AGBL1: variants seen among roughly 807,000 people sequenced by gnomAD.
AGBL1 encodes the protein cytosolic carboxypeptidase 4.
AGBL1 carries 130 observed loss-of-function variants against 118.9 expected under a neutral mutation model. The ratio of observed to expected loss-of-function variants is 1.09; its 90% CI spans 0.95 to 1.26. The LOEUF (loss-of-function observed/expected upper bound fraction) is 1.26, where lower values mean the gene tolerates loss of function less well. Ranked by LOEUF, AGBL1 falls within the 50% of genes most tolerant of loss-of-function variation. The pLI is 0.00. For missense variants in AGBL1, 1,584 were observed against 1,298.1 expected, an observed-to-expected ratio of 1.22 and a Z score of -3.38; for synonymous variants, 555 against 478.9, an observed-to-expected ratio of 1.16 and a Z score of -2.08.
chr15:86,305,199 G>T (rs1176990176), intron 17 of AGBL1: 1 of 152,162 alleles, frequency 6.6e-6, no homozygotes, highest in Non-Finnish European at 1.5e-5. Flanking sequence ...GACGGTGCTA[G>T]CCAGGCATGA....
intron 22 of AGBL1, among the ~76,000 whole-genome samples, chr15:86,709,976 T>C (rs186634519): frequency 6.6e-5 from 10 of 152,280 alleles, no homozygotes; most frequent in South Asian, 2.1e-4. Flanking sequence ...CTGCCCCAAC[T>C]TTTCCCTGCT....
At chr15:87,007,579 G>C (rs998254916) in intron 24 of AGBL1, among the ~76,000 whole-genome samples, 1 of 152,214 alleles carries the variant, frequency 6.6e-6, no homozygotes. Context: ...ACACAGACAG[G>C]ATGAGGTGTT....
intron 17 of AGBL1, among the ~76,000 whole-genome samples, chr15:86,337,549 C>T (rs955187463): frequency 2.6e-5 from 4 of 152,196 alleles, no homozygotes; most frequent in African/African-American, 9.7e-5. Flanking sequence ...AGATCATATC[C>T]TTTGCAGGGA....
intron 18 of AGBL1, among the ~76,000 whole-genome samples, chr15:86,448,818 G>A (rs2082158342): frequency 6.6e-6 from 1 of 152,004 alleles, no homozygotes; most frequent in African/African-American, 2.4e-5. Flanking sequence ...AGTTACTATG[G>A]GACTTAGTGT....
intron 23 of AGBL1, among the ~76,000 whole-genome samples, chr15:86,943,068 C>G (rs761063926): frequency 3.9e-5 from 6 of 152,126 alleles, no homozygotes; most frequent in African/African-American, 9.7e-5. Flanking sequence ...CTTTTGGAAC[C>G]AAGATTCCTA....
chr15:86,865,780 G>C (rs2079619406), intron 22 of AGBL1, among the ~76,000 whole-genome samples: 1 of 152,156 alleles, frequency 6.6e-6, no homozygotes. Flanking sequence ...AGTAAATGGA[G>C]TCTATGTTTA....
At chr15:86,320,722 CGTGTGT>C (rs3050863) in intron 17 of AGBL1, among the ~76,000 whole-genome samples, 2 of 148,050 alleles carry the variant, frequency 1.4e-5, no homozygotes, top group African/African-American at 4.9e-5. Flanking sequence ...TGTGTGTGTG[CGTGTGT>C]GTGTGTGTGT....
At chr15:86,241,143 T>G (rs1179091839) in intron 6 of AGBL1, among the ~76,000 whole-genome samples, 1 of 152,120 alleles carries the variant, frequency 6.6e-6, no homozygotes, top group African/African-American at 2.4e-5. Context: ...GAGGCAGCAA[T>G]GTAGGACTGG....
At position 86,841,429 on chromosome 15, in the gene AGBL1, T is replaced by C. The variant is rs1297366646; in HGVS notation, c.3159-65658T>C. ...CAGGTAAGAATTGCAGAAAATATTTTGCTGTGATGTTAGTCTCGAAAGACC... is the reference window on the plus strand; with the variant it reads ...CAGGTAAGAATTGCAGAAAATATTTCGCTGTGATGTTAGTCTCGAAAGACC... On this transcript the variant is annotated intron_variant, in intron 22 of 22. Transcript: ENST00000614907. 2.0e-5 allele frequency among the ~76,000 whole-genome samples: 3 copies of C among 152,232 alleles called. No homozygotes were observed. In the East Asian group the frequency reaches 5.8e-4, roughly 29 times the overall value.
chr15:86,538,814 G>A (rs765834976), intron 19 of AGBL1, among the ~76,000 whole-genome samples: 11 of 152,198 alleles, frequency 7.2e-5, no homozygotes, highest in Non-Finnish European at 1.2e-4. Flanking sequence ...GGTGAGCCCT[G>A]GGGAAAAGGG....
At chr15:86,516,293 A>G (rs1195953857) in intron 18 of AGBL1, among the ~76,000 whole-genome samples, 1 of 152,162 alleles carries the variant, frequency 6.6e-6, no homozygotes, top group Non-Finnish European at 1.5e-5. Flanking sequence ...CTTTGTAGCT[A>G]TCTTATTTGG....
At chr15:86,511,051 C>A (rs1214516307) in intron 18 of AGBL1, among the ~76,000 whole-genome samples, 2 of 152,010 alleles carry the variant, frequency 1.3e-5, no homozygotes, top group African/African-American at 4.8e-5. Context: ...AGAATAGTAT[C>A]CGACACATAG....
intron 17 of AGBL1, among the ~76,000 whole-genome samples, chr15:86,387,436 G>A (rs1328688364): frequency 6.6e-6 from 1 of 152,020 alleles, no homozygotes; most frequent in Non-Finnish European, 1.5e-5. Flanking sequence ...TCAGACTTAG[G>A]TTTTCGTTTT....
chr15:86,675,686 C>A (rs186683821), intron 22 of AGBL1, among the ~76,000 whole-genome samples: 1 of 152,142 alleles, frequency 6.6e-6, no homozygotes, highest in Non-Finnish European at 1.5e-5. Flanking sequence ...GCGCTTCCAC[C>A]TGCCAGCATA....
chr15:86,383,067 C>T (rs1377341439), intron 17 of AGBL1, among the ~76,000 whole-genome samples: 2 of 151,808 alleles, frequency 1.3e-5, no homozygotes, highest in Non-Finnish European at 2.9e-5. Context: ...ACATTTTCAC[C>T]TTCTATGTTA....
chr15:87,026,194 G>A (rs1274346963), intron 24 of AGBL1, among the ~76,000 whole-genome samples: 1 of 151,976 alleles, frequency 6.6e-6, no homozygotes, highest in Non-Finnish European at 1.5e-5. Context: ...CACGGCAAAA[G>A]GAACAGTTAG....
intron 14 of AGBL1, among the ~76,000 whole-genome samples, chr15:86,270,574 T>C (rs1368079088): frequency 6.6e-6 from 1 of 152,200 alleles, no homozygotes; most frequent in Non-Finnish European, 1.5e-5. Flanking sequence ...TTTTGAGGAA[T>C]GGAAATTCTG....
intron 5 of AGBL1, among the ~76,000 whole-genome samples, chr15:86,206,033 G>GTTC (rs2077986763): frequency 6.6e-6 from 1 of 152,100 alleles, no homozygotes; most frequent in Non-Finnish European, 1.5e-5. Context: ...GTGTCCAAGT[G>GTTC]TTCTCATTGT....
chr15:86,797,187 G>A (rs533958039), intron 22 of AGBL1, among the ~76,000 whole-genome samples: 3 of 152,184 alleles, frequency 2.0e-5, no homozygotes, highest in Non-Finnish European at 4.4e-5. Context: ...TATTCACTCC[G>A]TGATATTTTA....
Sources: allele counts gnomAD v4.1 joint callset (sites outside exome capture counted in the v4.1 genomes callset), GRCh38; gene constraint gnomAD v4.1.1; transcripts MANE v1.5; gene names NCBI Gene and HGNC (gene_info 2026-07-23, HGNC 2026-07-21).